The following TRIM7 variants were observed in gnomAD, a reference collection of about 807,000 sequenced individuals.
TRIM7 encodes the protein E3 ubiquitin-protein ligase TRIM7.
In TRIM7, 32 loss-of-function variants were observed where a neutral mutation model predicts 37.9. The observed-to-expected ratio is 0.84, with a 90% CI of 0.64 to 1.13. The LOEUF is 1.13. TRIM7 is among the 50% of genes most tolerant of loss of function. The probability of loss-of-function intolerance (pLI) is 0.00; values close to 1 mark genes in which losing one functional copy is unlikely to be tolerated. For missense variants in TRIM7, 732 were observed against 714.0 expected (o/e 1.03, Z -0.29); for synonymous variants, 351 against 321.3 (o/e 1.09, Z -0.99).
chr5:181,198,589 C>T, intron 5 of TRIM7, 101 bp downstream of exon 5: 1 of 844,210 alleles, frequency 1.2e-6, no homozygotes, highest in Non-Finnish European at 2.0e-6. Context: ...CTCCTATTTT[C>T]ACACACAGCT....
At chr5:181,202,190 T>C (rs1757529551) in intron 2 of TRIM7, 1 of 152,306 alleles carries the variant, frequency 6.6e-6, no homozygotes, top group Non-Finnish European at 1.5e-5. Context: ...TTTTTTTTTT[T>C]TTTTTTGAGA....
Position 181,200,007 on chromosome 5 carries a change from C to T in TRIM7, c.693G>A (p.Glu231=), listed in dbSNP as rs779543676. 6.2e-7 allele frequency: 1 copy of T among 1,614,276 alleles called. No homozygotes were observed. The highest frequency in any genetic ancestry group is 1.3e-5 in the African/African-American group (1 of 75,072). The change falls in exon 3 of 7, where the codon GAG becomes GAA. Residue 231 remains glutamate (E), a synonymous_variant. Coordinates refer to ENST00000274773, the MANE Select transcript of TRIM7 (RefSeq NM_203293.3). ...QALRAFLVEQ[E]GRLLGRLEEL... is the part of the protein sequence containing the mutation. ...CCTCCAGGCGGCCTAGCAGCCGACC[C>T]TCCTGCTCCACCAGGAAAGCCCTCA...
Position 181,198,085 on chromosome 5 carries a change from G to A in TRIM7, c.1024+98C>T. ...GGTTGCTGAGGTGGGTGGGCTGAAG[G>A]AACCGACCATATGCAAAACCCTGAG... is the stretch of plus-strand genomic sequence containing the variant. On this transcript the variant is annotated intron_variant, in intron 6 of 6. Coordinates refer to ENST00000274773, the MANE Select transcript of TRIM7 (RefSeq NM_203293.3). 5 of 1,376,554 alleles carry A rather than the reference G, an allele frequency of 3.6e-6. No individual in the cohort carries two copies. In the South Asian group the frequency reaches 6.1e-5, roughly 17 times the overall value. The allele number at this position is 1,376,554 out of a possible 1,614,324, so 85.3% of individuals were successfully genotyped here.
intron 2 of TRIM7, chr5:181,200,953 A>G: frequency 1.3e-5 from 13 of 984,392 alleles, no homozygotes; most frequent in Non-Finnish European, 1.6e-5. Flanking sequence ...CCTTATGGAT[A>G]TTAACTCCCT....
chr5:181,201,043 AC>A, intron 2 of TRIM7: 2 of 438,814 alleles, frequency 4.6e-6, no homozygotes, highest in Non-Finnish European at 6.0e-6. Flanking sequence ...CAGACACATC[AC>A]CAGGAAGTGT....
chr5:181,200,211 A>C (rs1757394494), intron 2 of TRIM7, 130 bp from the exon 3 acceptor site: 2 of 1,571,266 alleles, frequency 1.3e-6, no homozygotes, highest in Admixed American at 3.6e-5. Flanking sequence ...ACACCCACCT[A>C]CGCACGCAGT....
Position 181,194,027 on chromosome 5 carries a change from C to T in TRIM7, c.*1139G>A, listed in dbSNP as rs1366337437. The T allele has an allele frequency of 6.6e-6, 1 of 152,326 alleles. No individual in the cohort carries two copies. Among genetic ancestry groups the T allele is most frequent in the African/African-American group, 2.4e-5 (1 of 41,478 alleles). The allele number at this position is 152,326 out of a possible 1,614,324, so 9.4% of individuals were successfully genotyped here. On this transcript the variant is annotated 3_prime_UTR_variant, in exon 7 of 7. Coordinates refer to ENST00000274773, the MANE Select transcript of TRIM7 (RefSeq NM_203293.3). ...CCACCCTTCCAGAAGCCCAGCTACCCAGAAGCTGGAGAACAAGTAGACAAG... is the reference window on the plus strand; with the variant it reads ...CCACCCTTCCAGAAGCCCAGCTACCTAGAAGCTGGAGAACAAGTAGACAAG...
chr5:181,200,382 A>G, intron 2 of TRIM7: 1 of 1,381,650 alleles, frequency 7.2e-7, no homozygotes, highest in Non-Finnish European at 9.3e-7. Flanking sequence ...GCCAAGCTGC[A>G]GCTTCCTCAC....
Position 181,200,109 on chromosome 5 carries a change from GAC to G in TRIM7, c.619-30_619-29del, listed in dbSNP as rs773469993. 2.4e-4 allele frequency: 386 copies of G among 1,614,278 alleles called. 2 individuals carry two copies. The East Asian group carries it at 7.3e-3, about 31-fold the overall frequency. On this transcript the variant is annotated intron_variant, in intron 2 of 6. Transcript: ENST00000274773. ...GTCCCAGGAGGAGAAGTTGGAGAGG[GAC>G]TTGAACATGGAGACATAACATTTGG...
chr5:181,195,084 C>A lies in TRIM7; in HGVS notation c.*82G>T, dbSNP rs1156702074. On this transcript the variant is annotated 3_prime_UTR_variant, in exon 7 of 7. Coordinates refer to ENST00000274773, the MANE Select transcript of TRIM7 (RefSeq NM_203293.3). ...GGGGTCAGGAGCACGGAGGGCAGAC[C>A]CAAGACGGACCAGGCATCTCTGGGG... The A allele has an allele frequency of 4.6e-6, 7 of 1,514,220 alleles. No individual in the cohort carries two copies. The highest frequency in any genetic ancestry group is 1.4e-5 in the African/African-American group (1 of 72,136). The allele number at this position is 1,514,220 out of a possible 1,614,324, so 93.8% of individuals were successfully genotyped here. A position where few individuals can be genotyped will look rare whatever the true frequency, so the allele number is the denominator to read the frequency against.
Position 181,195,212 on chromosome 5 carries a change from AGCGGGAACACGC to A in TRIM7, c.1478_1489del (p.Arg493_Pro496del). 6.2e-7 allele frequency: 1 copy of A among 1,612,278 alleles called. No individual in the cohort carries two copies. Among genetic ancestry groups the A allele is most frequent in the East Asian group, 2.2e-5 (1 of 44,854 alleles). On this transcript the variant is annotated inframe_deletion, in exon 7 of 7. Transcript: ENST00000274773. Reference sequence around the variant, plus strand: ...GGTGCCCGTGGAGCAAACAGAGAAAAGCGGGAACACGCGCTCCTGGAAGTTGACGCGGAAGGT... The same window carrying A: ...GGTGCCCGTGGAGCAAACAGAGAAAAGCTCCTGGAAGTTGACGCGGAAGGT...
chr5:181,199,201 C>T, intron 3 of TRIM7, 84 bp from the exon 4 acceptor site: 2 of 1,524,058 alleles, frequency 1.3e-6, no homozygotes, highest in African/African-American at 1.4e-5. Flanking sequence ...CCTTGCTGTG[C>T]CTCCCAGATG....
At position 181,194,450 on chromosome 5, in the gene TRIM7, T is replaced by A. The variant is rs1168013589; in HGVS notation, c.*716A>T. On this transcript the variant is annotated 3_prime_UTR_variant, in exon 7 of 7. Coordinates refer to ENST00000274773, the MANE Select transcript of TRIM7 (RefSeq NM_203293.3). ...CCTTATCCAAGCAGCGTTTGTACTT[T>A]GGCACTGGAAAGTGCGGGAGTCAGG... 6.7e-6 allele frequency: 1 copy of A among 149,088 alleles called. No homozygotes were observed. The highest frequency in any genetic ancestry group is 1.5e-5 in the Non-Finnish European group (1 of 68,064). 9.2% of individuals were successfully genotyped at this position (149,088 alleles called of 1,614,324 possible).
At chr5:181,196,609 T>G (rs1757139636) in intron 6 of TRIM7, 1 of 151,850 alleles carries the variant, frequency 6.6e-6, no homozygotes, top group Non-Finnish European at 1.5e-5. Flanking sequence ...TCCAGCTGTT[T>G]GGGAGGCTGA....
Position 181,195,354 on chromosome 5 carries a change from G to T in TRIM7, c.1348C>A (p.Arg450=), listed in dbSNP as rs61751566. 5 of 1,579,826 alleles carry T rather than the reference G, an allele frequency of 3.2e-6. No homozygotes were observed. Among genetic ancestry groups the T allele is most frequent in the Non-Finnish European group, 4.3e-6 (5 of 1,163,530 alleles). The part of the protein sequence containing the change: ...GQYWAVTSPE[R]SPLSCGHLSR... Reference sequence around the variant, plus strand: ...AGGTGCCCGCAGCTGAGGGGCGACCGCTCGGGGCTGGTCACGGCCCAGTAC... The same window carrying T: ...AGGTGCCCGCAGCTGAGGGGCGACCTCTCGGGGCTGGTCACGGCCCAGTAC... The change falls in exon 7 of 7, where the codon CGG becomes AGG. Residue 450 remains arginine, a synonymous_variant. Coordinates refer to ENST00000274773, the MANE Select transcript of TRIM7 (RefSeq NM_203293.3).
At chr5:181,200,273 A>G (rs534366048) in intron 2 of TRIM7, 192 bp from the exon 3 acceptor site, 5 of 1,453,488 alleles carry the variant, frequency 3.4e-6, no homozygotes, top group Non-Finnish European at 4.5e-6. Context: ...GTCTGGACAC[A>G]TGCTCTTTTC....
intron 3 of TRIM7, 67 bp downstream of exon 3, chr5:181,199,784 G>A: frequency 6.6e-7 from 1 of 1,520,022 alleles, no homozygotes; most frequent in Non-Finnish European, 8.8e-7. Context: ...GACTGACACT[G>A]TTCTCTAGCT....
Position 181,204,534 on chromosome 5 carries a change from G to A in TRIM7, c.522+55C>T, listed in dbSNP as rs185924209. The A allele has an allele frequency of 2.1e-3, 2,760 of 1,306,364 alleles. 45 individuals are homozygous for A. In the African/African-American group the frequency reaches 0.043, roughly 20 times the overall value. The allele number at this position is 1,306,364 out of a possible 1,614,324, so 80.9% of individuals were successfully genotyped here. On this transcript the variant is annotated intron_variant, in intron 1 of 6. Coordinates refer to ENST00000274773, the MANE Select transcript of TRIM7 (RefSeq NM_203293.3). ...CTCTGCACCCCGTGCGCGGGAGCGC[G>A]GGACCAAGTCAGGGGGTCCCGGGGA...
chr5:181,204,056 A>G, intron 1 of TRIM7: 1 of 1,000,102 alleles, frequency 1.0e-6, no homozygotes, highest in African/African-American at 1.7e-5. Flanking sequence ...TAGCAAAGAA[A>G]GGGCCCCCAG....
Sources: gnomAD v4.1 joint callset for allele counts on GRCh38, gnomAD v4.1.1 for gene constraint, MANE v1.5 for transcripts, NCBI Gene and HGNC (gene_info 2026-07-23, HGNC 2026-07-21) for gene names.